The following SLCO2A1 variants were observed in gnomAD, a reference collection of about 807,000 sequenced individuals.
SLCO2A1 encodes solute carrier organic anion transporter family member 2A1, also known as matrin F/G 1.
SLCO2A1 carries 60 observed loss-of-function variants against 71.7 expected under a neutral mutation model. The observed-to-expected ratio is 0.84, with a 90% CI of 0.68 to 1.04. The LOEUF (loss-of-function observed/expected upper bound fraction) is 1.04, where lower values mean the gene tolerates loss of function less well. SLCO2A1 is among the 50% of genes least tolerant of loss of function. The pLI, the probability that SLCO2A1 is intolerant of heterozygous loss-of-function variation, is 0.00. For missense variants in SLCO2A1, 745 were observed against 813.4 expected, an observed-to-expected ratio of 0.92 and a Z score of 1.02; for synonymous variants, 308 against 326.7, an observed-to-expected ratio of 0.94 and a Z score of 0.62.
At chr3:133,947,147 A>AAGG in intron 9 of SLCO2A1, 109 bp downstream of exon 9, 1 of 950,918 alleles carries the variant, frequency 1.1e-6, no homozygotes. Flanking sequence ...AAAAAAAAAA[A>AAGG]GTGTACAGCA....
At chr3:133,944,187 C>T (rs1292170603) in intron 10 of SLCO2A1, among the ~76,000 whole-genome samples, 1 of 152,180 alleles carries the variant, frequency 6.6e-6, no homozygotes, top group East Asian at 1.9e-4. Context: ...TCTGGTTGTT[C>T]ACTTCTAATG....
intron 13 of SLCO2A1, among the ~76,000 whole-genome samples, chr3:133,935,500 C>T (rs945725131): frequency 3.9e-5 from 6 of 152,334 alleles, no homozygotes; most frequent in African/African-American, 1.2e-4. Context: ...GCTGCTGCCC[C>T]TTCCAAAGGC....
At position 133,963,940 on chromosome 3, in the gene SLCO2A1, C is replaced by T. The variant is rs1437526613; in HGVS notation, c.398-8747G>A. On this transcript the variant is annotated intron_variant, in intron 3 of 13. Transcript: ENST00000310926. Reference sequence around the variant, plus strand: ...CACTCATGATCTGAGATCCCAAAGTCGATTGTAAATTGGGTTGTTTGCAAA... The same window carrying T: ...CACTCATGATCTGAGATCCCAAAGTTGATTGTAAATTGGGTTGTTTGCAAA... Among the ~76,000 whole-genome samples, 34 of 152,188 alleles carry T rather than the reference C, an allele frequency of 2.2e-4. 1 individual carries two copies. Among genetic ancestry groups the T allele is most frequent in the Admixed American group, 2.2e-3 (34 of 15,276 alleles).
At chr3:133,970,320 C>G (rs1254587562) in intron 3 of SLCO2A1, among the ~76,000 whole-genome samples, 1 of 152,034 alleles carries the variant, frequency 6.6e-6, no homozygotes, top group South Asian at 2.1e-4. Flanking sequence ...GGAGGTGGCT[C>G]GAGCCCACTT....
chr3:134,001,673 G>C (rs901770239), intron 1 of SLCO2A1, among the ~76,000 whole-genome samples: 1 of 152,148 alleles, frequency 6.6e-6, no homozygotes, highest in South Asian at 2.1e-4. Context: ...CGGAATGAAA[G>C]GTGAGAGTGA....
intron 1 of SLCO2A1, among the ~76,000 whole-genome samples, chr3:134,015,758 G>A (rs1302776857): frequency 6.6e-6 from 1 of 152,058 alleles, no homozygotes; most frequent in Non-Finnish European, 1.5e-5. Context: ...AGAAAATAAA[G>A]ATGGATGGGC....
chr3:134,017,827 A>G (rs1935489820), intron 1 of SLCO2A1, among the ~76,000 whole-genome samples: 1 of 152,186 alleles, frequency 6.6e-6, no homozygotes, highest in Non-Finnish European at 1.5e-5. Context: ...ACCCTGGTCT[A>G]TTACACAAGC....
intron 1 of SLCO2A1, among the ~76,000 whole-genome samples, chr3:134,001,733 G>T (rs539357166): frequency 2.0e-5 from 3 of 152,262 alleles, no homozygotes; most frequent in East Asian, 3.9e-4. Flanking sequence ...TCTCAGAAAA[G>T]CTCCCCCAGG....
At chr3:134,007,014 G>C (rs1035485727) in intron 1 of SLCO2A1, among the ~76,000 whole-genome samples, 14 of 152,054 alleles carry the variant, frequency 9.2e-5, no homozygotes, top group Non-Finnish European at 1.5e-4. Context: ...TTTTTTTATA[G>C]TAGCCATCCT....
intron 2 of SLCO2A1, among the ~76,000 whole-genome samples, 175 bp downstream of exon 2, chr3:133,979,306 T>C (rs1273581540): frequency 1.3e-5 from 2 of 152,174 alleles, no homozygotes; most frequent in Non-Finnish European, 2.9e-5. Context: ...CCTCAGGAAA[T>C]CTAGCTGCTC....
intron 1 of SLCO2A1, among the ~76,000 whole-genome samples, chr3:134,028,689 TATGTTTGTGGGA>T: frequency 6.6e-6 from 1 of 152,286 alleles, no homozygotes; most frequent in East Asian, 1.9e-4. Flanking sequence ...CATCTGACTG[TATGTTTGTGGGA>T]AACAACCTCT....
chr3:134,029,888 G>A lies in SLCO2A1; in HGVS notation c.-86C>T, dbSNP rs1935788993. 3.0e-6 allele frequency: 2 copies of A among 657,564 alleles called. No homozygotes were observed. The highest frequency in any genetic ancestry group is 4.3e-6 in the Non-Finnish European group (2 of 462,414). 40.7% of individuals were successfully genotyped at this position (657,564 alleles called of 1,614,324 possible). A position where few individuals can be genotyped will look rare whatever the true frequency, so the allele number is the denominator to read the frequency against. On this transcript the variant is annotated 5_prime_UTR_variant, in exon 1 of 14. Coordinates refer to ENST00000310926, the MANE Select transcript of SLCO2A1 (RefSeq NM_005630.3). Reference sequence around the variant, plus strand: ...GGCCGGGCGGGTGAGAGGCGACCGCGGCGGCAGTGGCCGGAGGAGATTCGC... The same window carrying A: ...GGCCGGGCGGGTGAGAGGCGACCGCAGCGGCAGTGGCCGGAGGAGATTCGC...
Position 133,947,389 on chromosome 3 carries a change from T to C in SLCO2A1, c.1162A>G (p.Lys388Glu). The C allele has an allele frequency of 6.2e-7, 1 of 1,613,994 alleles. No individual in the cohort carries two copies. ...GCTTGTAGAGAGAAAACAAAGCGCT[T>C]CATGAGGATTCCTCCAAACAGCATC... The part of the protein sequence containing the change: ...LGMLFGGILM[K>E]RFVFSLQAIP... The change falls in exon 9 of 14, where the codon AAG becomes GAG. Residue 388 changes from lysine to glutamate, a missense_variant. Coordinates refer to ENST00000310926, the MANE Select transcript of SLCO2A1 (RefSeq NM_005630.3).
At chr3:133,941,467 G>GGGACTTTAA (rs1190646906) in intron 11 of SLCO2A1, among the ~76,000 whole-genome samples, 5 of 152,188 alleles carry the variant, frequency 3.3e-5, no homozygotes, top group African/African-American at 1.2e-4. Flanking sequence ...TGGCAGAGCA[G>GGGACTTTAA]GGACTTTAAT....
Position 133,992,072 on chromosome 3 carries a change from C to T in SLCO2A1, c.97-12454G>A, listed in dbSNP as rs191291307. 1.1e-3 allele frequency among the ~76,000 whole-genome samples: 174 copies of T among 152,308 alleles called. 1 individual carries two copies. The highest frequency in any genetic ancestry group is 4.0e-3 in the African/African-American group (165 of 41,564). The stretch of plus-strand genomic sequence containing the variant: ...TCTCTGAGCAAAGTCCTGACCGAAT[C>T]GGACTTGCCCAGGATCTCTTGACCA... On this transcript the variant is annotated intron_variant, in intron 1 of 13. Transcript: ENST00000310926.
At chr3:134,016,635 T>A (rs1935461379) in intron 1 of SLCO2A1, among the ~76,000 whole-genome samples, 2 of 152,212 alleles carry the variant, frequency 1.3e-5, no homozygotes, top group Non-Finnish European at 2.9e-5. Context: ...AGCAGTTTTT[T>A]AAAAAATATC....
At chr3:133,938,299 TG>T (rs1174040622) in intron 12 of SLCO2A1, 129 bp downstream of exon 12, 4 of 834,718 alleles carry the variant, frequency 4.8e-6, no homozygotes, top group Non-Finnish European at 8.1e-6. Flanking sequence ...CATCTGCTGT[TG>T]ATTATGCACA....
At chr3:133,982,880 A>G (rs1406241943) in intron 1 of SLCO2A1, among the ~76,000 whole-genome samples, 7 of 152,004 alleles carry the variant, frequency 4.6e-5, no homozygotes, top group African/African-American at 7.2e-5. Flanking sequence ...CCCATTTTCT[A>G]TAAGGTAAAA....
intron 1 of SLCO2A1, among the ~76,000 whole-genome samples, chr3:133,993,175 G>A (rs540223104): frequency 2.0e-5 from 3 of 152,368 alleles, no homozygotes; most frequent in Admixed American, 2.0e-4. Context: ...CCCTCCCCAG[G>A]GAGTAGAACA....
Sources: allele counts gnomAD v4.1 joint callset (sites outside exome capture counted in the v4.1 genomes callset), GRCh38; gene constraint gnomAD v4.1.1; transcripts MANE v1.5; gene names NCBI Gene and HGNC (gene_info 2026-07-23, HGNC 2026-07-21).